Variants in CALD1 observed in about 807,000 individuals in gnomAD.
CALD1 encodes caldesmon 1, also known as caldesmon.
A neutral mutation model predicts 99.9 loss-of-function variants in CALD1; 33 were observed. That is an observed-to-expected ratio of 0.33 (90% CI 0.25 to 0.44). The LOEUF (loss-of-function observed/expected upper bound fraction) is 0.44, where lower values mean the gene tolerates loss of function less well. Among genes scored for constraint, CALD1 ranks in the 20% least tolerant of loss-of-function variants. CALD1 has a pLI of 1.00. For missense variants in CALD1, 861 were observed against 962.1 expected (o/e 0.89, Z 1.39); for synonymous variants, 310 against 325.0 (o/e 0.95, Z 0.50).
intron 3 of CALD1, among the ~76,000 whole-genome samples, chr7:134,875,129 C>T (rs1173540781): frequency 6.6e-6 from 1 of 152,226 alleles, no homozygotes; most frequent in Non-Finnish European, 1.5e-5. Context: ...CAAAATTTCC[C>T]TTCAGTTCTC....
chr7:134,834,300 C>T (rs937760636), intron 1 of CALD1, among the ~76,000 whole-genome samples: 3 of 152,192 alleles, frequency 2.0e-5, no homozygotes, highest in African/African-American at 7.2e-5. Flanking sequence ...AGGATCAGTT[C>T]TTGAGATAAT....
intron 1 of CALD1, among the ~76,000 whole-genome samples, chr7:134,826,146 C>A (rs1350554615): frequency 6.6e-6 from 1 of 152,014 alleles, no homozygotes; most frequent in East Asian, 1.9e-4. Flanking sequence ...TTTTTAAATT[C>A]TCTATATAAG....
At chr7:134,733,666 G>A in the CALD1 span, among the ~76,000 whole-genome samples, 353 of 151,900 alleles carry the variant, frequency 2.3e-3, 1 homozygote, top group African/African-American at 7.6e-3. Context: ...AAAATTAGCC[G>A]GGCGTGGTGG....
intron 1 of CALD1, among the ~76,000 whole-genome samples, chr7:134,758,498 TGG>T (rs200479851): frequency 9.5e-6 from 1 of 105,202 alleles, no homozygotes. Context: ...CAGCTCCCAT[TGG>T]GGTGTGTGTG....
chr7:134,868,608 C>T (rs1800913737), intron 3 of CALD1, among the ~76,000 whole-genome samples: 1 of 152,150 alleles, frequency 6.6e-6, no homozygotes, highest in Non-Finnish European at 1.5e-5. Context: ...TGAAAAATGA[C>T]ACTTTAACGA....
At chr7:134,883,381 T>A (rs1801696862) in intron 3 of CALD1, among the ~76,000 whole-genome samples, 1 of 152,202 alleles carries the variant, frequency 6.6e-6, no homozygotes, top group Non-Finnish European at 1.5e-5. Flanking sequence ...CTATTTTATC[T>A]TTTGTTGTTG....
At chr7:134,755,355 A>G (rs1409880745) in intron 1 of CALD1, among the ~76,000 whole-genome samples, 2 of 151,694 alleles carry the variant, frequency 1.3e-5, no homozygotes, top group Non-Finnish European at 2.9e-5. Flanking sequence ...GCATTTAAGT[A>G]TTTTTTTTCA....
upstream of CALD1, among the ~76,000 whole-genome samples, chr7:134,739,681 A>C (rs1360453501): frequency 6.6e-6 from 1 of 152,152 alleles, no homozygotes; most frequent in Non-Finnish European, 1.5e-5. Flanking sequence ...AAGCCACTAA[A>C]TAGAAGAAAT....
the CALD1 span, among the ~76,000 whole-genome samples, chr7:134,720,143 C>T: frequency 6.7e-6 from 1 of 150,240 alleles, no homozygotes; most frequent in Non-Finnish European, 1.5e-5. Context: ...AATCAGCAAA[C>T]ATTTGTTAGT....
At chr7:134,735,562 CCT>C in the CALD1 span, among the ~76,000 whole-genome samples, 3,152 of 139,878 alleles carry the variant, frequency 0.023, 77 homozygotes, top group South Asian at 0.057. Context: ...TCCCCACTAC[CCT>C]CTGTGTGTGT....
intron 3 of CALD1, chr7:134,891,722 T>TC: frequency 8.7e-7 from 1 of 1,149,548 alleles, no homozygotes. Context: ...TTTTTTTTTT[T>TC]ATAAAAAACA....
At chr7:134,741,351 A>G (rs1223188764), upstream of CALD1, among the ~76,000 whole-genome samples, 5 of 152,138 alleles carry the variant, frequency 3.3e-5, no homozygotes, top group Non-Finnish European at 5.9e-5. Flanking sequence ...TTATCACAAG[A>G]CCAGCATGGA....
chr7:134,885,806 T>C (rs1358039429), intron 3 of CALD1, among the ~76,000 whole-genome samples: 1 of 152,220 alleles, frequency 6.6e-6, no homozygotes, highest in African/African-American at 2.4e-5. Context: ...ACATTCTTCA[T>C]GTACACACTT....
chr7:134,880,516 C>T (rs1050176416), intron 3 of CALD1, among the ~76,000 whole-genome samples: 1 of 152,212 alleles, frequency 6.6e-6, no homozygotes, highest in Non-Finnish European at 1.5e-5. Context: ...CACACTGCAT[C>T]TTTCCCAAGG....
At chr7:134,886,964 G>A (rs933575909) in intron 3 of CALD1, among the ~76,000 whole-genome samples, 15 of 152,182 alleles carry the variant, frequency 9.9e-5, no homozygotes, top group Admixed American at 5.2e-4. Context: ...ATAGTGCTAC[G>A]CGAAGCAAAG....
intron 1 of CALD1, among the ~76,000 whole-genome samples, chr7:134,746,266 C>T (rs575302285): frequency 1.6e-4 from 24 of 152,282 alleles, no homozygotes; most frequent in African/African-American, 5.5e-4. Flanking sequence ...GAGAGACACC[C>T]CTTGTCCCCT....
Position 134,939,679 on chromosome 7 carries a change from T to C in CALD1, c.1387-1413T>C, listed in dbSNP as rs542829626. ...GCTCTGCTTTGTAAAACATGCACTTTAGGCCAGGTGCAGTGGCTCACACCT... is the reference window on the plus strand; with the variant it reads ...GCTCTGCTTTGTAAAACATGCACTTCAGGCCAGGTGCAGTGGCTCACACCT... On this transcript the variant is annotated intron_variant, in intron 6 of 14. Transcript: ENST00000361675. 5.9e-5 allele frequency among the ~76,000 whole-genome samples: 9 copies of C among 152,310 alleles called. No homozygotes were observed. In the South Asian group the frequency reaches 1.9e-3, roughly 32 times the overall value.
chr7:134,871,539 G>GA (rs1488090328), intron 3 of CALD1, among the ~76,000 whole-genome samples: 2 of 152,018 alleles, frequency 1.3e-5, no homozygotes, highest in Non-Finnish European at 2.9e-5. Flanking sequence ...TATCTAAAAT[G>GA]AAAAAAAGAT....
rs551216340 is a variant in CALD1, at chr7:134,833,362, G to A, written c.-129-10522G>A. Reference sequence around the variant, plus strand: ...TTCATTAACCCATCTGTATCTGCACGTTATCCTTCATCTGGTTAAAATTCC... The same window carrying A: ...TTCATTAACCCATCTGTATCTGCACATTATCCTTCATCTGGTTAAAATTCC... On this transcript the variant is annotated intron_variant, in intron 1 of 14. Coordinates refer to ENST00000361675, the MANE Select transcript of CALD1 (RefSeq NM_033138.4). Among the ~76,000 whole-genome samples, 484 of 152,220 alleles carry A rather than the reference G, an allele frequency of 3.2e-3. 3 individuals are homozygous for A. Among genetic ancestry groups the A allele is most frequent in the Middle Eastern group, 6.8e-3 (2 of 294 alleles).
Sources: gnomAD v4.1 joint callset for allele counts (sites outside exome capture counted in the v4.1 genomes callset) on GRCh38, gnomAD v4.1.1 for gene constraint, MANE v1.5 for transcripts, NCBI Gene and HGNC (gene_info 2026-07-23, HGNC 2026-07-21) for gene names.